The following WWC2 variants were observed in gnomAD, a reference collection of about 807,000 sequenced individuals.
WWC2 encodes the protein WW and C2 domain containing 2, also known as protein WWC2.
WWC2 carries 101 observed loss-of-function variants against 138.5 expected under a neutral mutation model. The ratio of observed to expected loss-of-function variants is 0.73; its 90% CI spans 0.62 to 0.86. WWC2 has a LOEUF of 0.86. WWC2 is among the 40% of genes least tolerant of loss of function. The pLI is 0.00. For missense variants in WWC2, 1,420 were observed against 1,419.4 expected (o/e 1.00, Z -0.01); for synonymous variants, 558 against 538.4 (o/e 1.04, Z -0.50).
intron 2 of WWC2, among the ~76,000 whole-genome samples, chr4:183,206,840 A>G (rs553715575): frequency 6.6e-6 from 1 of 152,346 alleles, no homozygotes; most frequent in Admixed American, 6.5e-5. Flanking sequence ...TCCTTGGCCC[A>G]ACATGTGGTC....
At chr4:183,130,154 G>A (rs927688785) in intron 1 of WWC2, among the ~76,000 whole-genome samples, 6 of 150,910 alleles carry the variant, frequency 4.0e-5, no homozygotes, top group African/African-American at 9.8e-5. Flanking sequence ...CTGGGTTCAC[G>A]CCATTCTCCT....
intron 22 of WWC2, among the ~76,000 whole-genome samples, chr4:183,312,785 G>A (rs1263714850): frequency 5.3e-5 from 8 of 152,134 alleles, no homozygotes; most frequent in African/African-American, 1.7e-4. Context: ...GATTTTGTTC[G>A]CTCATTTTAC....
At chr4:183,235,455 T>A (rs1188031849) in intron 4 of WWC2, among the ~76,000 whole-genome samples, 1 of 152,258 alleles carries the variant, frequency 6.6e-6, no homozygotes, top group Non-Finnish European at 1.5e-5. Context: ...TCTAGACTAA[T>A]TTTCATGTTG....
intron 1 of WWC2, among the ~76,000 whole-genome samples, chr4:183,101,063 C>T (rs769338098): frequency 1.3e-5 from 2 of 152,168 alleles, no homozygotes; most frequent in Non-Finnish European, 2.9e-5. Flanking sequence ...CACCCAACTG[C>T]GGCTTTTAAG....
rs972029479 is a variant in WWC2 at position 183,312,342 on chromosome 4, C to T, written c.3386C>T (p.Ala1129Val). The T allele has an allele frequency of 1.9e-6, 3 of 1,612,904 alleles. No homozygotes were observed. In the African/African-American group the frequency reaches 4.0e-5, roughly 22 times the overall value. ...QRLLKQAEKQ[A>V]EQSKEEQKQG... The stretch of plus-strand genomic sequence containing the variant: ...TTACATTTTTATTCCCTTTTCCAGG[C>T]TGAACAGTCCAAAGAAGAGCAGAAG... Residue 1129 changes from alanine (A) to valine (V), a missense_variant and splice_region_variant, in exon 22 of 23, where the codon GCT becomes GTT. By Grantham distance (64) the Ala-to-Val change is moderately conservative. Transcript: ENST00000403733.
chr4:183,117,057 C>G (rs1188115990), intron 1 of WWC2, among the ~76,000 whole-genome samples: 1 of 152,100 alleles, frequency 6.6e-6, no homozygotes, highest in East Asian at 1.9e-4. Context: ...TTCTCCCAAT[C>G]TAGGCTTCTG....
At chr4:183,156,330 GTTCT>G (rs779903202) in intron 1 of WWC2, among the ~76,000 whole-genome samples, 2 of 90,850 alleles carry the variant, frequency 2.2e-5, no homozygotes, top group South Asian at 9.4e-4. Flanking sequence ...CTGGCCCTTT[GTTCT>G]TTTTTTTTTT....
chr4:183,129,858 T>C (rs1005545138), intron 1 of WWC2, among the ~76,000 whole-genome samples: 5 of 152,180 alleles, frequency 3.3e-5, no homozygotes, highest in Admixed American at 2.0e-4. Flanking sequence ...TGCAGTCATG[T>C]GATCACTTAC....
chr4:183,282,536 G>A, intron 17 of WWC2, 172 bp from the exon 18 acceptor site: 1 of 658,720 alleles, frequency 1.5e-6, no homozygotes, highest in Non-Finnish European at 2.6e-6. Context: ...ACTAGAGGGT[G>A]AAGAGAGGAT....
At chr4:183,126,624 A>G (rs1732765312) in intron 1 of WWC2, among the ~76,000 whole-genome samples, 2 of 152,240 alleles carry the variant, frequency 1.3e-5, no homozygotes, top group Admixed American at 1.3e-4. Flanking sequence ...CTTTCAGGTC[A>G]AAGGATAGAT....
intron 21 of WWC2, among the ~76,000 whole-genome samples, chr4:183,300,696 A>G (rs1738807662): frequency 6.6e-6 from 1 of 152,140 alleles, no homozygotes; most frequent in African/African-American, 2.4e-5. Context: ...GTCTTCAGTA[A>G]AGTATATTCT....
At chr4:183,103,484 G>A (rs1003371587) in intron 1 of WWC2, among the ~76,000 whole-genome samples, 8 of 151,054 alleles carry the variant, frequency 5.3e-5, no homozygotes, top group East Asian at 2.0e-4. Context: ...CTGCCACCAC[G>A]CCCGGCTAAT....
chr4:183,270,793 A>G (rs868548683), intron 15 of WWC2, among the ~76,000 whole-genome samples: 2 of 152,138 alleles, frequency 1.3e-5, no homozygotes, highest in Non-Finnish European at 2.9e-5. Flanking sequence ...TCACATTTAC[A>G]TAAAAGGCAT....
chr4:183,206,313 G>T (rs1471422366), intron 2 of WWC2, among the ~76,000 whole-genome samples: 1 of 151,922 alleles, frequency 6.6e-6, no homozygotes, highest in Non-Finnish European at 1.5e-5. Flanking sequence ...AACCTTTTGT[G>T]TATCAAGCTT....
chr4:183,181,662 T>C (rs953877133), intron 1 of WWC2, among the ~76,000 whole-genome samples: 1 of 152,204 alleles, frequency 6.6e-6, no homozygotes, highest in African/African-American at 2.4e-5. Context: ...GTTTATGTAT[T>C]GGTGAGGCTT....
intron 1 of WWC2, among the ~76,000 whole-genome samples, chr4:183,146,815 A>G (rs1053719820): frequency 7.2e-5 from 11 of 152,236 alleles, no homozygotes; most frequent in African/African-American, 2.7e-4. Context: ...TGAAATCTGC[A>G]CAGCTGGGCA....
intron 1 of WWC2, among the ~76,000 whole-genome samples, chr4:183,139,766 G>A (rs1733236651): frequency 6.6e-6 from 1 of 152,126 alleles, no homozygotes; most frequent in Non-Finnish European, 1.5e-5. Context: ...CCCGTCATCT[G>A]CCACCATATA....
At chr4:183,197,641 G>C (rs1735180742) in intron 2 of WWC2, among the ~76,000 whole-genome samples, 1 of 152,128 alleles carries the variant, frequency 6.6e-6, no homozygotes, top group Admixed American at 6.5e-5. Flanking sequence ...CAGCTAACTA[G>C]AAGGTAAATA....
At chr4:183,194,943 T>A (rs1735094305) in intron 2 of WWC2, among the ~76,000 whole-genome samples, 1 of 152,222 alleles carries the variant, frequency 6.6e-6, no homozygotes, top group African/African-American at 2.4e-5. Flanking sequence ...GAAATGCGAC[T>A]TTTTTGTAGA....
Sources: gnomAD v4.1 joint callset for allele counts (sites outside exome capture counted in the v4.1 genomes callset) on GRCh38, gnomAD v4.1.1 for gene constraint, MANE v1.5 for transcripts, NCBI Gene and HGNC (gene_info 2026-07-23, HGNC 2026-07-21) for gene names.